CNTNAP2: variants seen among roughly 807,000 people sequenced by gnomAD.
The protein encoded by CNTNAP2 is contactin associated protein 2.
Under a neutral mutation model 155.2 loss-of-function variants are expected in CNTNAP2, and 98 were observed. The ratio of observed to expected loss-of-function variants is 0.63; its 90% CI spans 0.54 to 0.75. CNTNAP2 has a LOEUF of 0.75. Among genes scored for constraint, CNTNAP2 ranks in the 30% least tolerant of loss-of-function variants. The pLI, the probability that CNTNAP2 is intolerant of heterozygous loss-of-function variation, is 0.00. For synonymous variants in CNTNAP2, 651 were observed against 631.2 expected, an observed-to-expected ratio of 1.03 and a Z score of -0.47; for missense variants, 1,727 against 1,688.1, an observed-to-expected ratio of 1.02 and a Z score of -0.40.
intron 4 of CNTNAP2, among the ~76,000 whole-genome samples, chr7:147,063,749 C>G (rs368049738): frequency 3.9e-5 from 6 of 152,018 alleles, no homozygotes; most frequent in African/African-American, 1.4e-4. Flanking sequence ...AAATCCTTGT[C>G]TAGTCACAGT....
chr7:146,640,316 G>A (rs1799683492), intron 1 of CNTNAP2, among the ~76,000 whole-genome samples: 1 of 152,178 alleles, frequency 6.6e-6, no homozygotes. Flanking sequence ...GTTCTCAAAT[G>A]TCAGGAAATC....
At chr7:148,025,434 C>A (rs1315442358) in intron 15 of CNTNAP2, among the ~76,000 whole-genome samples, 1 of 152,192 alleles carries the variant, frequency 6.6e-6, no homozygotes, top group African/African-American at 2.4e-5. Context: ...CCCCTACCCA[C>A]CAAATTACCT....
chr7:147,678,955 A>C lies in CNTNAP2; in HGVS notation c.2098+39649A>C, dbSNP rs192329760. 1.2e-3 allele frequency among the ~76,000 whole-genome samples: 189 copies of C among 152,034 alleles called. 1 individual carries two copies. The highest frequency in any genetic ancestry group is 2.3e-3 in the Non-Finnish European group (159 of 67,872). The stretch of plus-strand genomic sequence containing the variant: ...AAACCATAGGGCCACACAATGCTAC[A>C]CATTGAGCCTCACCATAATTAAATC... On this transcript the variant is annotated intron_variant, in intron 13 of 23. Coordinates refer to ENST00000361727, the MANE Select transcript of CNTNAP2 (RefSeq NM_014141.6).
Position 148,393,476 on chromosome 7 carries a change from A to G in CNTNAP2, c.3715+9588A>G, listed in dbSNP as rs114121414. ...AAGCGCATTTATGTATCTCAAATCA[A>G]CTATGGTATTAGTCTTACCTATTTT... On this transcript the variant is annotated intron_variant, in intron 22 of 23. Transcript: ENST00000361727. Among the ~76,000 whole-genome samples, 805 of 152,294 alleles carry G rather than the reference A, an allele frequency of 5.3e-3. 7 individuals carry two copies. Among genetic ancestry groups the G allele is most frequent in the African/African-American group, 0.018 (738 of 41,544 alleles).
chr7:146,719,457 A>G (rs1440630741), intron 1 of CNTNAP2, among the ~76,000 whole-genome samples: 2 of 152,216 alleles, frequency 1.3e-5, no homozygotes, highest in African/African-American at 4.8e-5. Context: ...GTGAATCGAA[A>G]TCATGTTAAA....
rs571774207 is a variant in CNTNAP2, at chr7:146,408,244, C to T, written c.97+291271C>T. ...ACCATTAAAAATAAGCAATTCATTG[C>T]ACTTTATAGAGACTATTAACAGAAT... is the stretch of plus-strand genomic sequence containing the variant. On this transcript the variant is annotated intron_variant, in intron 1 of 23. Coordinates refer to ENST00000361727, the MANE Select transcript of CNTNAP2 (RefSeq NM_014141.6). Among the ~76,000 whole-genome samples the T allele has an allele frequency of 5.0e-3, 763 of 152,198 alleles. 27 individuals are homozygous for T. The highest frequency in any genetic ancestry group is 1.0e-3 in the South Asian group (5 of 4,822).
intron 1 of CNTNAP2, among the ~76,000 whole-genome samples, chr7:146,714,890 G>A (rs1000374243): frequency 6.6e-6 from 1 of 152,126 alleles, no homozygotes; most frequent in Non-Finnish European, 1.5e-5. Flanking sequence ...CATTATTTGG[G>A]TTACCAGAGG....
At chr7:148,195,603 G>T (rs566634028) in intron 18 of CNTNAP2, among the ~76,000 whole-genome samples, 1 of 152,038 alleles carries the variant, frequency 6.6e-6, no homozygotes, top group Non-Finnish European at 1.5e-5. Flanking sequence ...ATGAAATACC[G>T]CAAAGACTTT....
At chr7:148,022,369 T>A (rs1043781340) in intron 15 of CNTNAP2, among the ~76,000 whole-genome samples, 7 of 150,052 alleles carry the variant, frequency 4.7e-5, no homozygotes, top group African/African-American at 1.7e-4. Flanking sequence ...CTCAGGAGGC[T>A]GAGGCAGGAG....
chr7:148,303,589 C>T (rs1165495664), intron 21 of CNTNAP2, among the ~76,000 whole-genome samples: 1 of 152,140 alleles, frequency 6.6e-6, no homozygotes, highest in African/African-American at 2.4e-5. Context: ...GAGAATGGCT[C>T]CTTCTTTTTC....
chr7:146,432,066 G>A (rs1395301920), intron 1 of CNTNAP2, among the ~76,000 whole-genome samples: 1 of 151,990 alleles, frequency 6.6e-6, no homozygotes, highest in Non-Finnish European at 1.5e-5. Flanking sequence ...CCAATGCCCT[G>A]TTATAAAAAG....
intron 9 of CNTNAP2, among the ~76,000 whole-genome samples, chr7:147,344,092 TA>T (rs1234819740): frequency 6.6e-6 from 1 of 152,166 alleles, no homozygotes; most frequent in East Asian, 1.9e-4. Flanking sequence ...ATACCATAGC[TA>T]AAAAATGTCA....
At chr7:148,058,367 C>T (rs1365336896) in intron 15 of CNTNAP2, among the ~76,000 whole-genome samples, 5 of 152,140 alleles carry the variant, frequency 3.3e-5, no homozygotes, top group Non-Finnish European at 5.9e-5. Flanking sequence ...CCTCCACACA[C>T]GGTTAAACAA....
At chr7:146,396,778 C>G (rs34416126) in intron 1 of CNTNAP2, among the ~76,000 whole-genome samples, 50,015 of 150,322 alleles carry the variant, frequency 0.33, 8,578 homozygotes, top group Admixed American at 0.45. Flanking sequence ...TAGATCAGTA[C>G]TAGCATGCTA....
chr7:147,413,727 C>T (rs1584934343), intron 10 of CNTNAP2, among the ~76,000 whole-genome samples: 1 of 152,120 alleles, frequency 6.6e-6, no homozygotes, highest in African/African-American at 2.4e-5. Flanking sequence ...TTCTAACAAG[C>T]TTCAAAATGC....
At chr7:147,361,006 A>G (rs779719191) in intron 9 of CNTNAP2, among the ~76,000 whole-genome samples, 5 of 152,224 alleles carry the variant, frequency 3.3e-5, no homozygotes, top group Non-Finnish European at 7.3e-5. Flanking sequence ...TATTATACCA[A>G]TGAAGGGTGT....
chr7:148,041,879 A>G (rs1802683247), intron 15 of CNTNAP2, among the ~76,000 whole-genome samples: 1 of 152,162 alleles, frequency 6.6e-6, no homozygotes, highest in South Asian at 2.1e-4. Context: ...ACAATAACAA[A>G]TTATTTTTTT....
chr7:147,273,982 T>C (rs959999350), intron 8 of CNTNAP2, among the ~76,000 whole-genome samples: 10 of 148,040 alleles, frequency 6.8e-5, no homozygotes, highest in African/African-American at 2.5e-4. Flanking sequence ...TACATGTATG[T>C]TATGTAGTAT....
At chr7:146,705,517 C>A in intron 1 of CNTNAP2, among the ~76,000 whole-genome samples, 1 of 152,086 alleles carries the variant, frequency 6.6e-6, no homozygotes, top group East Asian at 1.9e-4. Context: ...CCTCCTAATA[C>A]AATCTTCTTG....
Sources: gnomAD v4.1 joint callset for allele counts (sites outside exome capture counted in the v4.1 genomes callset) on GRCh38, gnomAD v4.1.1 for gene constraint, MANE v1.5 for transcripts, NCBI Gene and HGNC (gene_info 2026-07-23, HGNC 2026-07-21) for gene names.